The following RAB11FIP4 variants were observed in gnomAD, a reference collection of about 807,000 sequenced individuals.
RAB11FIP4 encodes rab11 family-interacting protein 4.
In RAB11FIP4, 23 loss-of-function variants were observed where a neutral mutation model predicts 74.3. That is an observed-to-expected ratio of 0.31 (90% CI 0.22 to 0.44). The LOEUF (loss-of-function observed/expected upper bound fraction) is 0.44. RAB11FIP4 is among the 20% of genes least tolerant of loss of function. The pLI is 1.00. For synonymous variants in RAB11FIP4, 360 were observed against 359.9 expected (o/e 1.00, Z 0.00); for missense variants, 630 against 863.9 (o/e 0.73, Z 3.39).
chr17:31,476,393 C>T (rs993636908), intron 3 of RAB11FIP4, among the ~76,000 whole-genome samples: 1 of 152,038 alleles, frequency 6.6e-6, no homozygotes, highest in Non-Finnish European at 1.5e-5. Flanking sequence ...CCATGTTGGC[C>T]AGGCTGGTCT....
Position 31,517,653 on chromosome 17 carries a change from C to A in RAB11FIP4, c.339C>A (p.Gly113=). 1 of 1,600,198 alleles carries A rather than the reference C, an allele frequency of 6.2e-7. No homozygotes were observed. The highest frequency in any genetic ancestry group is 8.5e-7 in the Non-Finnish European group (1 of 1,174,216). The change falls in exon 4 of 15, where the codon GGC becomes GGA. Residue 113 remains glycine (G), a splice_region_variant and synonymous_variant. Coordinates refer to ENST00000621161, the MANE Select transcript of RAB11FIP4 (RefSeq NM_032932.6). ...TGTCTCTGCTCTCTCTTTCCCAGGG[C>A]AGCGAGGTCACAGGCCCCACCTTTG... ...APEIPDCVEQ[G]SEVTGPTFAD...
intron 1 of RAB11FIP4, among the ~76,000 whole-genome samples, chr17:31,395,636 C>T (rs987981958): frequency 6.6e-6 from 1 of 152,130 alleles, no homozygotes; most frequent in Admixed American, 6.6e-5. Flanking sequence ...TGATTAGGAC[C>T]TCTCAAAATT....
chr17:31,478,056 G>T (rs2071812017), intron 3 of RAB11FIP4, among the ~76,000 whole-genome samples: 2 of 145,026 alleles, frequency 1.4e-5, no homozygotes, highest in Admixed American at 1.4e-4. Context: ...GCAGTGGCTA[G>T]ATCTCGGCTC....
intron 9 of RAB11FIP4, 152 bp downstream of exon 9, chr17:31,524,148 A>C (rs2072721895): frequency 3.2e-6 from 2 of 633,394 alleles, no homozygotes; most frequent in African/African-American, 3.6e-5. Flanking sequence ...GGCCCTGCCC[A>C]CATGTGGTGC....
intron 3 of RAB11FIP4, among the ~76,000 whole-genome samples, chr17:31,484,559 A>G (rs1397695180): frequency 1.3e-5 from 2 of 152,104 alleles, no homozygotes; most frequent in African/African-American, 4.8e-5. Flanking sequence ...AGCCTGTGTT[A>G]GAGCCCTCAG....
intron 3 of RAB11FIP4, among the ~76,000 whole-genome samples, chr17:31,507,077 A>G (rs1201856072): frequency 6.6e-6 from 1 of 152,194 alleles, no homozygotes; most frequent in Non-Finnish European, 1.5e-5. Flanking sequence ...CAGGAGTTTG[A>G]GACCAGTCTG....
At chr17:31,425,903 C>A (rs1323536982) in intron 1 of RAB11FIP4, among the ~76,000 whole-genome samples, 1 of 152,198 alleles carries the variant, frequency 6.6e-6, no homozygotes, top group Non-Finnish European at 1.5e-5. Flanking sequence ...ACGAAGACCA[C>A]ATGGGGTGGC....
chr17:31,442,552 G>T (rs1597919105), intron 3 of RAB11FIP4, among the ~76,000 whole-genome samples: 1 of 152,214 alleles, frequency 6.6e-6, no homozygotes, highest in Non-Finnish European at 1.5e-5. Context: ...GAGCTGAAAA[G>T]CTGCCACAGA....
chr17:31,514,318 G>A (rs944274101), intron 3 of RAB11FIP4, among the ~76,000 whole-genome samples: 2 of 152,232 alleles, frequency 1.3e-5, no homozygotes, highest in Non-Finnish European at 2.9e-5. Context: ...CGGCCTCTGT[G>A]TCCTCGTGTC....
intron 1 of RAB11FIP4, among the ~76,000 whole-genome samples, chr17:31,413,009 C>T (rs2071113023): frequency 6.6e-6 from 1 of 152,214 alleles, no homozygotes; most frequent in Admixed American, 6.5e-5. Context: ...CTGACAGCAA[C>T]AGTGGAATTT....
intron 7 of RAB11FIP4, chr17:31,523,105 G>A: frequency 3.9e-6 from 1 of 253,520 alleles, no homozygotes; most frequent in South Asian, 5.8e-5. Context: ...TGGTGGAGAG[G>A]CTCAAGCCTC....
In RAB11FIP4 at chr17:31,411,246, C is replaced by T. The variant is rs181227344; in HGVS notation, c.159+19235C>T. On this transcript the variant is annotated intron_variant, in intron 1 of 14. Transcript: ENST00000621161. ...AGGCGTGATGGCGGGCGCCTGTAGT[C>T]CCAGCTACTCTGGAGGCTGAGGCAG... is the stretch of plus-strand genomic sequence containing the variant. Among the ~76,000 whole-genome samples the T allele has an allele frequency of 4.7e-3, 723 of 152,272 alleles. 4 individuals are homozygous for T. Among genetic ancestry groups the T allele is most frequent in the African/African-American group, 0.017 (704 of 41,552 alleles).
intron 11 of RAB11FIP4, 88 bp from the exon 12 acceptor site, chr17:31,528,318 A>T (rs1200428576): frequency 6.8e-7 from 1 of 1,462,458 alleles, no homozygotes; most frequent in Non-Finnish European, 9.2e-7. Flanking sequence ...CCTCGTGAAG[A>T]TGGCTGACCA....
At chr17:31,438,883 G>C (rs2071384526) in intron 3 of RAB11FIP4, among the ~76,000 whole-genome samples, 1 of 152,088 alleles carries the variant, frequency 6.6e-6, no homozygotes, top group African/African-American at 2.4e-5. Context: ...AGGCTGAGGT[G>C]GGAGGATTAC....
chr17:31,476,102 G>A (rs2071789434), intron 3 of RAB11FIP4, among the ~76,000 whole-genome samples: 2 of 144,910 alleles, frequency 1.4e-5, no homozygotes, highest in South Asian at 2.3e-4. Context: ...CAATGGTTCA[G>A]TATTCACGAT....
chr17:31,403,468 G>T (rs1195813065), intron 1 of RAB11FIP4, among the ~76,000 whole-genome samples: 1 of 151,920 alleles, frequency 6.6e-6, no homozygotes, highest in Non-Finnish European at 1.5e-5. Context: ...GACTACAGGA[G>T]TGCACCACCA....
intron 2 of RAB11FIP4, among the ~76,000 whole-genome samples, chr17:31,432,196 G>A (rs190581952): frequency 1.3e-5 from 2 of 151,912 alleles, no homozygotes; most frequent in African/African-American, 2.4e-5. Flanking sequence ...TCTCTCTCCC[G>A]CTCTGGGGTG....
intron 3 of RAB11FIP4, among the ~76,000 whole-genome samples, chr17:31,439,952 C>T (rs1264937938): frequency 6.6e-6 from 1 of 151,990 alleles, no homozygotes; most frequent in African/African-American, 2.4e-5. Context: ...CTCTATATAT[C>T]CTGATTATCA....
chr17:31,433,724 G>A (rs768343195), intron 2 of RAB11FIP4, among the ~76,000 whole-genome samples: 1 of 152,216 alleles, frequency 6.6e-6, no homozygotes, highest in Non-Finnish European at 1.5e-5. Flanking sequence ...TGCAAGCCAG[G>A]TGGGCAGCAC....
Sources: gnomAD v4.1 joint callset for allele counts (sites outside exome capture counted in the v4.1 genomes callset) on GRCh38, gnomAD v4.1.1 for gene constraint, MANE v1.5 for transcripts, NCBI Gene and HGNC (gene_info 2026-07-23, HGNC 2026-07-21) for gene names.